Variants in CTNNA1 observed in about 807,000 individuals in gnomAD.
The protein encoded by CTNNA1 is catenin alpha 1.
A neutral mutation model predicts 98.4 loss-of-function variants in CTNNA1; 37 were observed. The ratio of observed to expected loss-of-function variants is 0.38; its 90% CI spans 0.29 to 0.49. CTNNA1 has a LOEUF of 0.49. CTNNA1 is among the 20% of genes least tolerant of loss of function. The pLI is 0.95. For missense variants in CTNNA1, 761 were observed against 1,147.2 expected, an observed-to-expected ratio of 0.66 and a Z score of 4.86; for synonymous variants, 404 against 413.2, an observed-to-expected ratio of 0.98 and a Z score of 0.27.
chr5:138,852,788 G>A (rs1763321356), intron 7 of CTNNA1, among the ~76,000 whole-genome samples: 2 of 151,764 alleles, frequency 1.3e-5, no homozygotes, highest in African/African-American at 4.8e-5. Flanking sequence ...CTAAGAACCA[G>A]TGTTACCAAT....
At chr5:138,860,557 G>A (rs1486299187) in intron 7 of CTNNA1, among the ~76,000 whole-genome samples, 5 of 151,962 alleles carry the variant, frequency 3.3e-5, no homozygotes, top group Admixed American at 1.3e-4. Context: ...GTGCAATGAC[G>A]CAGTCTCAGC....
At chr5:138,760,665 C>T (rs886346349) in intron 1 of CTNNA1, among the ~76,000 whole-genome samples, 1 of 152,210 alleles carries the variant, frequency 6.6e-6, no homozygotes, top group African/African-American at 2.4e-5. Context: ...CACGTCTGAC[C>T]TATCCATTCA....
intron 10 of CTNNA1, among the ~76,000 whole-genome samples, chr5:138,915,040 G>T (rs536135048): frequency 6.6e-6 from 1 of 152,146 alleles, no homozygotes; most frequent in East Asian, 1.9e-4. Flanking sequence ...CCAGTTATTC[G>T]GGAGGCTGAG....
Position 138,930,902 on chromosome 5 carries a change from G to T in CTNNA1, c.2265G>T (p.Arg755Ser). The change falls in exon 16 of 18, where the codon AGG becomes AGT. Residue 755 changes from arginine to serine, a missense_variant. By Grantham distance (110) the Arg-to-Ser change is moderately radical. Coordinates refer to ENST00000302763, the MANE Select transcript of CTNNA1 (RefSeq NM_001903.5). ...AAKKIAEAGS[R>S]MDKLGRTIAD... ...AGAAAATTGCTGAGGCAGGATCCAG[G>T]ATGGACAAGCTTGGCCGCACCATTG... 6.2e-7 allele frequency: 1 copy of T among 1,614,102 alleles called. No individual in the cohort carries two copies. Among genetic ancestry groups the T allele is most frequent in the Non-Finnish European group, 8.5e-7 (1 of 1,179,912 alleles).
chr5:138,812,323 T>A (rs1315992653), intron 5 of CTNNA1, 21 bp downstream of exon 5: 31 of 1,598,016 alleles, frequency 1.9e-5, no homozygotes, highest in Non-Finnish European at 2.6e-5. Context: ...GATTTGGGGA[T>A]ATATTAAAGT....
At chr5:138,795,673 C>T (rs1756884481) in intron 3 of CTNNA1, among the ~76,000 whole-genome samples, 2 of 151,932 alleles carry the variant, frequency 1.3e-5, no homozygotes, top group South Asian at 4.1e-4. Flanking sequence ...CTGTAAAACA[C>T]TGTGTAAAAA....
At chr5:138,827,884 C>T in intron 7 of CTNNA1, 166 bp downstream of exon 7, 1 of 742,986 alleles carries the variant, frequency 1.3e-6, no homozygotes, top group South Asian at 1.9e-5. Context: ...GGCTAAGTGG[C>T]TCTTTCCTCT....
intron 1 of CTNNA1, among the ~76,000 whole-genome samples, chr5:138,775,464 T>C (rs1038801919): frequency 6.6e-6 from 1 of 152,202 alleles, no homozygotes; most frequent in Non-Finnish European, 1.5e-5. Flanking sequence ...GCATTCTGTG[T>C]TACCAGATTA....
chr5:138,908,255 C>T (rs1759734321), intron 10 of CTNNA1, among the ~76,000 whole-genome samples: 1 of 152,174 alleles, frequency 6.6e-6, no homozygotes, highest in Non-Finnish European at 1.5e-5. Flanking sequence ...TGTGCCCGGC[C>T]TTTCATCCCC....
At chr5:138,888,521 A>G (rs1197638834) in intron 9 of CTNNA1, among the ~76,000 whole-genome samples, 1 of 152,152 alleles carries the variant, frequency 6.6e-6, no homozygotes, top group African/African-American at 2.4e-5. Context: ...TTGAATTTAT[A>G]GTGATATTAG....
intron 7 of CTNNA1, among the ~76,000 whole-genome samples, chr5:138,837,472 C>T (rs1467556138): frequency 6.0e-5 from 7 of 116,698 alleles, no homozygotes; most frequent in Non-Finnish European, 7.1e-5. Context: ...CCTCCCCCTC[C>T]TCTTGATCCT....
In CTNNA1 at chr5:138,873,075, T is replaced by C; in HGVS notation, c.1063-13137T>C. ...CACTGTCCATAACCATTAATGATGA[T>C]GAAGGGTCCTTCATGGGTGGGTTCA... On this transcript the variant is annotated intron_variant, in intron 7 of 17. Coordinates refer to ENST00000302763, the MANE Select transcript of CTNNA1 (RefSeq NM_001903.5). This position sits in a 1 kb window ranked among gnomAD's most constrained non-coding sequence, Gnocchi z 6.1. 6.2e-7 allele frequency: 1 copy of C among 1,614,010 alleles called. No individual in the cohort carries two copies. Among genetic ancestry groups the C allele is most frequent in the Non-Finnish European group, 8.5e-7 (1 of 1,179,882 alleles).
At chr5:138,758,097 C>T (rs1219793811) in intron 1 of CTNNA1, among the ~76,000 whole-genome samples, 4 of 152,094 alleles carry the variant, frequency 2.6e-5, no homozygotes, top group African/African-American at 4.8e-5. Flanking sequence ...ACCTCTGTCT[C>T]CTGGGTTCAA....
intron 1 of CTNNA1, chr5:138,755,139 C>T (rs752580582): frequency 1.9e-4 from 29 of 151,846 alleles, no homozygotes; most frequent in Non-Finnish European, 5.9e-5. Context: ...ACACACACCC[C>T]AGGTGTAGTA....
intron 7 of CTNNA1, chr5:138,880,621 C>T (rs892735019): frequency 6.4e-6 from 1 of 156,710 alleles, no homozygotes; most frequent in African/African-American, 2.4e-5. Context: ...TCCTTCCTTT[C>T]TCCTCTCTAC....
intron 10 of CTNNA1, among the ~76,000 whole-genome samples, chr5:138,913,898 T>A (rs902305419): frequency 1.3e-5 from 2 of 152,154 alleles, no homozygotes; most frequent in Non-Finnish European, 2.9e-5. Context: ...TTACTCAGGC[T>A]GGAGTGCAGT....
chr5:138,785,924 G>T (rs929406524), intron 3 of CTNNA1, among the ~76,000 whole-genome samples: 3 of 152,144 alleles, frequency 2.0e-5, no homozygotes, highest in African/African-American at 7.2e-5. Context: ...TTTAATTGTT[G>T]TAGGTAATTT....
chr5:138,832,932 C>T (rs1761415564), intron 7 of CTNNA1, among the ~76,000 whole-genome samples: 1 of 152,216 alleles, frequency 6.6e-6, no homozygotes, highest in African/African-American at 2.4e-5. Context: ...ATGCTTTATA[C>T]AGCTGACTTC....
chr5:138,892,527 G>A (rs983645885), intron 9 of CTNNA1, among the ~76,000 whole-genome samples: 2 of 151,118 alleles, frequency 1.3e-5, no homozygotes, highest in Non-Finnish European at 3.0e-5. Flanking sequence ...TAGAAGAGAT[G>A]GAGTTTCAGC....
Sources: gnomAD v4.1 joint callset for allele counts (sites outside exome capture counted in the v4.1 genomes callset) on GRCh38, gnomAD v4.1.1 for gene constraint, Gnocchi (gnomAD v3.1) non-coding constraint, MANE v1.5 for transcripts, NCBI Gene and HGNC (gene_info 2026-07-23, HGNC 2026-07-21) for gene names.